RADIL: variants seen among roughly 807,000 people sequenced by gnomAD.
The protein encoded by RADIL is Rap associating with DIL domain.
In RADIL, 99 loss-of-function variants were observed where a neutral mutation model predicts 97.6. The ratio of observed to expected loss-of-function variants is 1.01; its 90% CI spans 0.86 to 1.20. The LOEUF (loss-of-function observed/expected upper bound fraction) is 1.20. RADIL is among the 50% of genes most tolerant of loss of function. The pLI is 0.00. For synonymous variants in RADIL, 803 were observed against 691.8 expected, an observed-to-expected ratio of 1.16 and a Z score of -2.52; for missense variants, 1,765 against 1,498.9, an observed-to-expected ratio of 1.18 and a Z score of -2.93.
chr7:4,839,154 T>C (rs1783381268), intron 2 of RADIL, among the ~76,000 whole-genome samples: 1 of 152,236 alleles, frequency 6.6e-6, no homozygotes, highest in African/African-American at 2.4e-5. Context: ...ATATGACGCG[T>C]TGGCTCAGTT....
intron 2 of RADIL, chr7:4,838,086 G>A: frequency 1.0e-6 from 1 of 982,954 alleles, no homozygotes; most frequent in Non-Finnish European, 1.2e-6. Flanking sequence ...GGGCGTGAGG[G>A]AGGCCGCCCA....
In RADIL at chr7:4,822,843, T is replaced by C. The variant is rs1782872896; in HGVS notation, c.1455-289A>G. On this transcript the variant is annotated intron_variant, in intron 5 of 14. Coordinates refer to ENST00000399583, the MANE Select transcript of RADIL (RefSeq NM_018059.5). This position sits in a 1 kb window ranked among gnomAD's most constrained non-coding sequence, Gnocchi z 5.3. ...TAGATGGCTTGCATGTCTTCTCTTT[T>C]GGAATGAGATCATAAAGTGGCTGTG... is the stretch of plus-strand genomic sequence containing the variant. 6.6e-6 allele frequency among the ~76,000 whole-genome samples: 1 copy of C among 152,120 alleles called. No individual in the cohort carries two copies. Among genetic ancestry groups the C allele is most frequent in the African/African-American group, 2.4e-5 (1 of 41,418 alleles).
rs568954942 is a variant in RADIL at position 4,880,412 on chromosome 7, G to A, written c.-64-2209C>T. Among the ~76,000 whole-genome samples the A allele has an allele frequency of 2.3e-4, 35 of 152,196 alleles. No individual in the cohort carries two copies. The highest frequency in any genetic ancestry group is 8.2e-4 in the African/African-American group (34 of 41,528). On this transcript the variant is annotated intron_variant, in intron 1 of 14. Transcript: ENST00000399583. This position sits in a 1 kb window ranked among gnomAD's most constrained non-coding sequence, Gnocchi z 4.5. Reference sequence around the variant, plus strand: ...CCTGGCCTGTGCACACCACACCAGCGGCTTCCAATCGCCCTCTAGTCTGAC... The same window carrying A: ...CCTGGCCTGTGCACACCACACCAGCAGCTTCCAATCGCCCTCTAGTCTGAC...
At chr7:4,827,362 C>CAAA (rs75389601) in intron 5 of RADIL, among the ~76,000 whole-genome samples, 1 of 107,196 alleles carries the variant, frequency 9.3e-6, no homozygotes, top group African/African-American at 3.2e-5. Context: ...GAGACTGTCT[C>CAAA]AAAAAAAAAA....
intron 2 of RADIL, among the ~76,000 whole-genome samples, chr7:4,868,366 A>T (rs1319548875): frequency 1.3e-5 from 2 of 152,144 alleles, no homozygotes; most frequent in East Asian, 3.9e-4. Context: ...CCGGCCATGA[A>T]CTGTTGTTTT....
chr7:4,832,058 C>A, intron 5 of RADIL, 83 bp downstream of exon 5: 2 of 1,469,554 alleles, frequency 1.4e-6, no homozygotes, highest in East Asian at 2.3e-5. Context: ...TGGGGAGACC[C>A]CTCGGGACTT....
chr7:4,873,813 G>A lies in RADIL; in HGVS notation c.535+3792C>T, dbSNP rs1405106630. On this transcript the variant is annotated intron_variant, in intron 2 of 14. Coordinates refer to ENST00000399583, the MANE Select transcript of RADIL (RefSeq NM_018059.5). The surrounding 1 kb of genome is among the most constrained non-coding windows in gnomAD (Gnocchi z 4.3). Reference sequence around the variant, plus strand: ...CTCACCATCACCGGAGGTATGTAATGGAGAGGACACGGTGGGTGTTAGGAA... The same window carrying A: ...CTCACCATCACCGGAGGTATGTAATAGAGAGGACACGGTGGGTGTTAGGAA... Among the ~76,000 whole-genome samples the A allele has an allele frequency of 1.3e-5, 2 of 152,222 alleles. No homozygotes were observed. The highest frequency in any genetic ancestry group is 4.8e-5 in the African/African-American group (2 of 41,458).
At position 4,815,692 on chromosome 7, in the gene RADIL, C is replaced by T. The variant is rs1782659366; in HGVS notation, c.1967-242G>A. Among the ~76,000 whole-genome samples the T allele has an allele frequency of 6.6e-6, 1 of 152,176 alleles. No individual in the cohort carries two copies. Among genetic ancestry groups the T allele is most frequent in the Non-Finnish European group, 1.5e-5 (1 of 68,018 alleles). ...CAGGGTGGGCTGTGACTGCCGCTGACTCCACAGTGCAGCCCCTAGCTGGGA... is the reference window on the plus strand; with the variant it reads ...CAGGGTGGGCTGTGACTGCCGCTGATTCCACAGTGCAGCCCCTAGCTGGGA... On this transcript the variant is annotated intron_variant, in intron 8 of 14. Transcript: ENST00000399583. The surrounding 1 kb of genome is among the most constrained non-coding windows in gnomAD (Gnocchi z 8.0).
intron 9 of RADIL, chr7:4,806,117 C>T (rs1406188280): frequency 2.2e-6 from 2 of 909,876 alleles, no homozygotes; most frequent in Non-Finnish European, 2.6e-6. Context: ...GGACATTCAT[C>T]ATTTAGGTGA....
At chr7:4,802,999 G>GGT (rs1562425797) in intron 11 of RADIL, among the ~76,000 whole-genome samples, 2 of 76,808 alleles carry the variant, frequency 2.6e-5, no homozygotes, top group Admixed American at 1.0e-4. Flanking sequence ...CACTCTGGCT[G>GGT]GGCCCCCTCC....
intron 9 of RADIL, chr7:4,809,192 G>A (rs965340195): frequency 7.1e-6 from 7 of 985,034 alleles, no homozygotes; most frequent in East Asian, 1.1e-4. Context: ...CCGCCTCCCC[G>A]GGCTGTCACT....
At chr7:4,863,163 G>T (rs923739978) in intron 2 of RADIL, among the ~76,000 whole-genome samples, 8 of 152,096 alleles carry the variant, frequency 5.3e-5, no homozygotes, top group Non-Finnish European at 7.4e-5. Flanking sequence ...CTCTTCAGTT[G>T]TATTTAGTCT....
rs141195330 is a variant in RADIL at position 4,870,739 on chromosome 7, C to T, written c.535+6866G>A. On this transcript the variant is annotated intron_variant, in intron 2 of 14. Coordinates refer to ENST00000399583, the MANE Select transcript of RADIL (RefSeq NM_018059.5). ...GATTACAGGCGTGAGCCACCGTGCC[C>T]GACTATTTTATGTCTTTCAAACAGT... Among the ~76,000 whole-genome samples, 689 of 152,242 alleles carry T rather than the reference C, an allele frequency of 4.5e-3. 5 individuals are homozygous for T. The highest frequency in any genetic ancestry group is 0.016 in the African/African-American group (652 of 41,536).
rs1783282042 is a variant in RADIL, at chr7:4,835,796, A to G, written c.784-557T>C. Among the ~76,000 whole-genome samples, 2 of 152,268 alleles carry G rather than the reference A, an allele frequency of 1.3e-5. No individual in the cohort carries two copies. Among genetic ancestry groups the G allele is most frequent in the South Asian group, 4.1e-4 (2 of 4,822 alleles). On this transcript the variant is annotated intron_variant, in intron 3 of 14. Coordinates refer to ENST00000399583, the MANE Select transcript of RADIL (RefSeq NM_018059.5). This position sits in a 1 kb window ranked among gnomAD's most constrained non-coding sequence, Gnocchi z 5.8. ...AGGGTGAGCAGGGGGCGGGGAAAACAGTTGTCTGGCAGGGCAAGTGTCCGG... is the reference window on the plus strand; with the variant it reads ...AGGGTGAGCAGGGGGCGGGGAAAACGGTTGTCTGGCAGGGCAAGTGTCCGG...
chr7:4,803,423 C>G, intron 11 of RADIL, 123 bp downstream of exon 11: 1 of 850,186 alleles, frequency 1.2e-6, no homozygotes, highest in East Asian at 2.9e-5. Flanking sequence ...GGGCCCCCTC[C>G]CCGGGCACCT....
At position 4,819,495 on chromosome 7, in the gene RADIL, G is replaced by A. The variant is rs949636348; in HGVS notation, c.1616-2144C>T. ...CAGCCGGCTGCCCCTGCCCTGCCCC[G>A]AAACTCCAGGACCCCTGAGGAAGCT... On this transcript the variant is annotated intron_variant, in intron 6 of 14. Transcript: ENST00000399583. The surrounding 1 kb of genome is among the most constrained non-coding windows in gnomAD (Gnocchi z 5.8). Among the ~76,000 whole-genome samples, 3 of 152,082 alleles carry A rather than the reference G, an allele frequency of 2.0e-5. No individual in the cohort carries two copies. Among genetic ancestry groups the A allele is most frequent in the Non-Finnish European group, 4.4e-5 (3 of 68,018 alleles).
At chr7:4,827,648 G>A (rs998175751) in intron 5 of RADIL, among the ~76,000 whole-genome samples, 7 of 152,150 alleles carry the variant, frequency 4.6e-5, no homozygotes, top group South Asian at 2.1e-4. Flanking sequence ...GGGACAGGGC[G>A]AGTCTCCATC....
intron 4 of RADIL, among the ~76,000 whole-genome samples, chr7:4,833,091 C>G (rs1440505071): frequency 1.3e-5 from 2 of 152,074 alleles, no homozygotes; most frequent in African/African-American, 4.8e-5. Context: ...CAGGGTGAGC[C>G]CTGGTGTGCT....
chr7:4,828,029 G>A (rs748851755), intron 5 of RADIL, among the ~76,000 whole-genome samples: 2 of 152,070 alleles, frequency 1.3e-5, no homozygotes, highest in Admixed American at 6.5e-5. Context: ...ACCACGAGAC[G>A]CCACCTCACT....
Sources: allele counts gnomAD v4.1 joint callset (sites outside exome capture counted in the v4.1 genomes callset), GRCh38; gene constraint gnomAD v4.1.1; non-coding constraint Gnocchi (gnomAD v3.1); transcripts MANE v1.5; gene names NCBI Gene and HGNC (gene_info 2026-07-23, HGNC 2026-07-21).